The following TMEM135 variants were observed in gnomAD, a reference collection of about 807,000 sequenced individuals.
The protein encoded by TMEM135 is peroxisomal membrane protein 52.
TMEM135 carries 30 observed loss-of-function variants against 60.3 expected under a neutral mutation model. The observed-to-expected ratio is 0.50, with a 90% CI of 0.37 to 0.68. TMEM135 has a LOEUF of 0.68. Ranked by LOEUF, TMEM135 falls within the 30% of genes least tolerant of loss-of-function variation. The pLI, the probability that TMEM135 is intolerant of heterozygous loss-of-function variation, is 0.00. For synonymous variants in TMEM135, 190 were observed against 186.7 expected (o/e 1.02, Z -0.14); for missense variants, 468 against 548.8 (o/e 0.85, Z 1.47).
intron 1 of TMEM135, among the ~76,000 whole-genome samples, chr11:87,054,797 T>G (rs1371092956): frequency 6.6e-6 from 1 of 151,826 alleles, no homozygotes; most frequent in Non-Finnish European, 1.5e-5. Context: ...ATGGGACAAT[T>G]TTTTTTTTCA....
rs1447622638 is a variant in TMEM135 at position 87,327,529 on chromosome 11, TAGAG to T, written c.*6202_*6205del. The T allele has an allele frequency of 2.2e-6, 1 of 452,962 alleles. No homozygotes were observed. The highest frequency in any genetic ancestry group is 2.4e-5 in the Admixed American group (1 of 42,410). The allele number at this position is 452,962 out of a possible 1,614,324, so 28.1% of individuals were successfully genotyped here. A position where few individuals can be genotyped will look rare whatever the true frequency, so the allele number is the denominator to read the frequency against. Reference sequence around the variant, plus strand: ...AGAACAATAGGGATAGAGAGATACATAGAGAGAGATATGAGAGGGATAGAGAGAG... The same window carrying T: ...AGAACAATAGGGATAGAGAGATACATAGAGATATGAGAGGGATAGAGAGAG... On this transcript the variant is annotated 3_prime_UTR_variant, in exon 15 of 15. Coordinates refer to ENST00000305494, the MANE Select transcript of TMEM135 (RefSeq NM_022918.4).
Position 87,234,650 on chromosome 11 carries a change from G to A in TMEM135, c.463-1988G>A, listed in dbSNP as rs140430239. Among the ~76,000 whole-genome samples, 36 of 151,950 alleles carry A rather than the reference G, an allele frequency of 2.4e-4. No individual in the cohort carries two copies. In the East Asian group the frequency reaches 6.8e-3, roughly 29 times the overall value. ...TCTCACTAATTCTTCTAAATAATTC[G>A]AAGTATGATATTATTCTCAGTTTAT... On this transcript the variant is annotated intron_variant, in intron 5 of 14. Transcript: ENST00000305494.
At chr11:87,142,310 A>G (rs1424744597) in intron 4 of TMEM135, among the ~76,000 whole-genome samples, 11 of 152,166 alleles carry the variant, frequency 7.2e-5, no homozygotes, top group African/African-American at 2.7e-4. Context: ...AGCAGCAACT[A>G]GTTTAGGAGA....
intron 4 of TMEM135, among the ~76,000 whole-genome samples, chr11:87,116,235 C>A (rs1236259321): frequency 6.6e-6 from 1 of 152,080 alleles, no homozygotes; most frequent in East Asian, 1.9e-4. Context: ...CTGGAATTGA[C>A]AATTTATCTG....
chr11:87,133,465 T>C (rs1232199039), intron 4 of TMEM135, among the ~76,000 whole-genome samples: 1 of 152,226 alleles, frequency 6.6e-6, no homozygotes, highest in Non-Finnish European at 1.5e-5. Context: ...TAGAATTTTA[T>C]ATAAATGGAA....
intron 5 of TMEM135, among the ~76,000 whole-genome samples, chr11:87,191,940 C>T (rs1450401555): frequency 6.8e-6 from 1 of 147,206 alleles, no homozygotes; most frequent in Non-Finnish European, 1.5e-5. Flanking sequence ...TTTTTGAGAG[C>T]TCTATTACTG....
In TMEM135 at chr11:87,070,913, A is replaced by C. The variant is rs548462977; in HGVS notation, c.270-610A>C. 1.7e-4 allele frequency among the ~76,000 whole-genome samples: 26 copies of C among 152,356 alleles called. No homozygotes were observed. In the South Asian group the frequency reaches 5.4e-3, roughly 32 times the overall value. ...AAATAGTCATAATAATAGTGATAAC[A>C]GCTAACACTTTCTGAGTACTTGTTA... On this transcript the variant is annotated intron_variant, in intron 2 of 14. Transcript: ENST00000305494.
chr11:87,062,186 A>G (rs1275986295), intron 1 of TMEM135, among the ~76,000 whole-genome samples: 1 of 151,500 alleles, frequency 6.6e-6, no homozygotes, highest in African/African-American at 2.4e-5. Flanking sequence ...TTGTATTTTT[A>G]GTAGAGATGG....
chr11:87,239,097 A>G (rs1941072095), intron 6 of TMEM135, among the ~76,000 whole-genome samples: 1 of 152,028 alleles, frequency 6.6e-6, no homozygotes, highest in African/African-American at 2.4e-5. Context: ...TAGAAAGAAA[A>G]TCAACCCTAT....
At chr11:87,214,011 G>C (rs169972) in intron 5 of TMEM135, among the ~76,000 whole-genome samples, 72,130 of 151,966 alleles carry the variant, frequency 0.47, 18,373 homozygotes, top group Non-Finnish European at 0.58. Context: ...ATATGAAAAA[G>C]AGTTTTAAAT....
intron 4 of TMEM135, among the ~76,000 whole-genome samples, chr11:87,135,876 A>C (rs542698105): frequency 1.4e-4 from 21 of 152,148 alleles, no homozygotes; most frequent in African/African-American, 4.8e-4. Flanking sequence ...TGAAAATTGA[A>C]TAGTTCTGTA....
rs777176429 is a variant in TMEM135, at chr11:87,308,222, T to C, written c.769-1283T>C. On this transcript the variant is annotated intron_variant, in intron 9 of 14. Coordinates refer to ENST00000305494, the MANE Select transcript of TMEM135 (RefSeq NM_022918.4). ...GTAATGTTTGGCAGATAACAGGCAT[T>C]CAGCAAATATTTTCTAAGTACATTA... Among the ~76,000 whole-genome samples, 73 of 152,324 alleles carry C rather than the reference T, an allele frequency of 4.8e-4. 2 individuals carry two copies. The highest frequency in any genetic ancestry group is 2.3e-3 in the Admixed American group (35 of 15,300).
At chr11:87,286,557 G>T (rs550153111) in intron 6 of TMEM135, among the ~76,000 whole-genome samples, 2 of 152,352 alleles carry the variant, frequency 1.3e-5, no homozygotes, top group South Asian at 2.1e-4. Flanking sequence ...GGGACCGGGG[G>T]CCACAGAGCA....
At chr11:87,100,781 G>C (rs972479556) in intron 4 of TMEM135, among the ~76,000 whole-genome samples, 1 of 152,074 alleles carries the variant, frequency 6.6e-6, no homozygotes, top group African/African-American at 2.4e-5. Flanking sequence ...AGAATCGCTT[G>C]AACCCAGGAG....
chr11:87,263,201 A>G (rs566124021), intron 6 of TMEM135, among the ~76,000 whole-genome samples: 1 of 152,332 alleles, frequency 6.6e-6, no homozygotes, highest in South Asian at 2.1e-4. Context: ...ATCAATGTGC[A>G]TATTAGAATA....
rs576941023 is a variant in TMEM135 at position 87,170,765 on chromosome 11, G to A, written c.462+13359G>A. The stretch of plus-strand genomic sequence containing the variant: ...GTGTCTCCCAGTCAGAAGGCATGGG[G>A]GTCAAGGACTCACTTGAGGAGGCAC... On this transcript the variant is annotated intron_variant, in intron 5 of 14. Transcript: ENST00000305494. 1.6e-3 allele frequency among the ~76,000 whole-genome samples: 247 copies of A among 152,214 alleles called. 2 individuals are homozygous for A. Among genetic ancestry groups the A allele is most frequent in the African/African-American group, 5.6e-3 (233 of 41,542 alleles).
intron 7 of TMEM135, among the ~76,000 whole-genome samples, chr11:87,301,541 TA>T (rs1343646398): frequency 6.6e-6 from 1 of 152,134 alleles, no homozygotes; most frequent in African/African-American, 2.4e-5. Flanking sequence ...CAGGAGCCAC[TA>T]TGCCTGGCTC....
chr11:87,319,409 T>TTCCATTTTGGAA, intron 14 of TMEM135, 32 bp downstream of exon 14: 1 of 1,480,234 alleles, frequency 6.8e-7, no homozygotes, highest in African/African-American at 1.4e-5. Flanking sequence ...TTAAAAATAT[T>TTCCATTTTGGAA]ATGAGTGGTT....
intron 4 of TMEM135, among the ~76,000 whole-genome samples, chr11:87,155,379 T>G (rs765825479): frequency 6.6e-6 from 1 of 152,246 alleles, no homozygotes; most frequent in Non-Finnish European, 1.5e-5. Context: ...AGCTTTCCCC[T>G]TATGTTTTCT....
Sources: gnomAD v4.1 joint callset for allele counts (sites outside exome capture counted in the v4.1 genomes callset) on GRCh38, gnomAD v4.1.1 for gene constraint, MANE v1.5 for transcripts, NCBI Gene and HGNC (gene_info 2026-07-23, HGNC 2026-07-21) for gene names.